The following LRP1B variants were observed in gnomAD, a reference collection of about 807,000 sequenced individuals.
The protein encoded by LRP1B is low-density lipoprotein receptor-related protein 1B.
In LRP1B, 217 loss-of-function variants were observed where a neutral mutation model predicts 556.6. The observed-to-expected ratio is 0.39, with a 90% CI of 0.35 to 0.44. The LOEUF (loss-of-function observed/expected upper bound fraction) is 0.44. Ranked by LOEUF, LRP1B falls within the 20% of genes least tolerant of loss-of-function variation. The pLI, the probability that LRP1B is intolerant of heterozygous loss-of-function variation, is 1.00. For synonymous variants in LRP1B, 2,047 were observed against 1,865.8 expected, an observed-to-expected ratio of 1.10 and a Z score of -2.50; for missense variants, 5,053 against 5,620.8, an observed-to-expected ratio of 0.90 and a Z score of 3.23.
chr2:140,261,262 T>C (rs923374941), intron 86 of LRP1B, among the ~76,000 whole-genome samples: 11 of 151,826 alleles, frequency 7.2e-5, no homozygotes, highest in African/African-American at 2.4e-4. Flanking sequence ...AAAGTCCAAA[T>C]ATAACTCACA....
At chr2:140,773,785 A>G (rs1271899133) in intron 33 of LRP1B, among the ~76,000 whole-genome samples, 1 of 151,960 alleles carries the variant, frequency 6.6e-6, no homozygotes, top group Non-Finnish European at 1.5e-5. Context: ...AAATAATGAA[A>G]TGAATTCTTA....
At chr2:142,048,439 G>T (rs1186353716) in intron 1 of LRP1B, among the ~76,000 whole-genome samples, 3 of 152,018 alleles carry the variant, frequency 2.0e-5, no homozygotes, top group African/African-American at 4.8e-5. Context: ...TTCAGCAACT[G>T]CCATCAAAAG....
At position 140,886,273 on chromosome 2, in the gene LRP1B, T is replaced by C. The variant is rs1433847438; in HGVS notation, c.3829A>G (p.Lys1277Glu). 1.9e-6 allele frequency: 3 copies of C among 1,609,688 alleles called. No individual in the cohort carries two copies. The South Asian group carries it at 3.3e-5, about 18-fold the overall frequency. The change falls in exon 24 of 91, where the codon AAA (lysine) becomes GAA (glutamate). Residue 1277 changes from lysine (K) to glutamate (E), a missense_variant. Coordinates refer to ENST00000389484, the MANE Select transcript of LRP1B (RefSeq NM_018557.3). The part of the protein sequence containing the change: ...RHEIRRIDLH[K>E]RDYSLLVPGL... ...GGAACAAGTAGACTATAGTCTCTTTTGTGAAGATCAATCCTTCTGATCTCA... is the reference window on the plus strand; with the variant it reads ...GGAACAAGTAGACTATAGTCTCTTTCGTGAAGATCAATCCTTCTGATCTCA...
intron 3 of LRP1B, among the ~76,000 whole-genome samples, chr2:141,374,468 T>C (rs969262690): frequency 3.3e-5 from 5 of 152,204 alleles, no homozygotes; most frequent in African/African-American, 1.2e-4. Context: ...TAAATAGCTT[T>C]TCTAAACTTT....
intron 3 of LRP1B, among the ~76,000 whole-genome samples, chr2:141,353,707 A>G (rs956825875): frequency 6.6e-6 from 1 of 151,952 alleles, no homozygotes; most frequent in Non-Finnish European, 1.5e-5. Context: ...AGTCCTAGAT[A>G]TAACAATTAT....
chr2:140,754,554 T>TAC (rs1485900928), intron 35 of LRP1B, among the ~76,000 whole-genome samples: 2 of 152,098 alleles, frequency 1.3e-5, no homozygotes, highest in Non-Finnish European at 2.9e-5. Context: ...GTGGAAATTC[T>TAC]ACAACACATT....
chr2:141,939,176 G>A (rs1403031962), intron 1 of LRP1B, among the ~76,000 whole-genome samples: 3 of 151,908 alleles, frequency 2.0e-5, no homozygotes, highest in Non-Finnish European at 4.4e-5. Flanking sequence ...AGATGGTTAT[G>A]TTAATTTGCT....
chr2:140,680,947 T>C (rs112959705), intron 41 of LRP1B, among the ~76,000 whole-genome samples: 1,827 of 152,324 alleles, frequency 0.012, 34 homozygotes, highest in African/African-American at 0.042. Flanking sequence ...ATTGATTTTG[T>C]GGGACTTAAA....
At chr2:140,285,318 CACACACATAT>C (rs993205525) in intron 84 of LRP1B, among the ~76,000 whole-genome samples, 4 of 70,584 alleles carry the variant, frequency 5.7e-5, no homozygotes, top group Admixed American at 5.7e-4. Flanking sequence ...TATATACATA[CACACACATAT>C]ACACATACAT....
In LRP1B at chr2:141,020,115, C is replaced by A; in HGVS notation, c.1790-13G>T. 6.8e-7 allele frequency: 1 copy of A among 1,460,894 alleles called. No individual in the cohort carries two copies. The highest frequency in any genetic ancestry group is 9.1e-7 in the Non-Finnish European group (1 of 1,098,088). The allele number at this position is 1,460,894 out of a possible 1,614,324, so 90.5% of individuals were successfully genotyped here. ...ACATTATCCAGATCTATAAAAAAAG[C>A]AAAAACAAGAAAGAAATTGCTTTTA... is the stretch of plus-strand genomic sequence containing the variant. On this transcript the variant is annotated splice_polypyrimidine_tract_variant and intron_variant, in intron 11 of 90. Transcript: ENST00000389484.
chr2:140,489,877 C>T (rs894116705), intron 57 of LRP1B, among the ~76,000 whole-genome samples: 4 of 151,990 alleles, frequency 2.6e-5, no homozygotes, highest in Non-Finnish European at 5.9e-5. Context: ...ACTCCAATTC[C>T]AAATTTAGTA....
At chr2:140,603,512 G>C (rs1682751652) in intron 41 of LRP1B, among the ~76,000 whole-genome samples, 1 of 152,046 alleles carries the variant, frequency 6.6e-6, no homozygotes, top group Non-Finnish European at 1.5e-5. Context: ...GAAAATTTAA[G>C]CAAATGAGAA....
At chr2:140,883,666 A>T in intron 25 of LRP1B, 151 bp downstream of exon 25, 1 of 511,432 alleles carries the variant, frequency 2.0e-6, no homozygotes, top group Non-Finnish European at 3.5e-6. Flanking sequence ...TCACATACCT[A>T]CCCCCACCTC....
chr2:140,649,300 T>G (rs1684592787), intron 41 of LRP1B, among the ~76,000 whole-genome samples: 1 of 152,186 alleles, frequency 6.6e-6, no homozygotes, highest in African/African-American at 2.4e-5. Flanking sequence ...TTTCTGTCCA[T>G]TTCATTCTCT....
chr2:141,226,930 A>C (rs1043948334), intron 6 of LRP1B, among the ~76,000 whole-genome samples: 3 of 152,118 alleles, frequency 2.0e-5, no homozygotes, highest in African/African-American at 4.8e-5. Flanking sequence ...TGCATGCTTA[A>C]ACCTAACCTC....
At chr2:141,136,767 A>T (rs1429212069) in intron 7 of LRP1B, among the ~76,000 whole-genome samples, 1 of 151,846 alleles carries the variant, frequency 6.6e-6, no homozygotes. Context: ...TAGGGAGGAG[A>T]AAGATATATG....
chr2:140,792,434 C>G (rs937109298), intron 32 of LRP1B, among the ~76,000 whole-genome samples: 1 of 152,118 alleles, frequency 6.6e-6, no homozygotes, highest in Non-Finnish European at 1.5e-5. Flanking sequence ...ATACAAGACA[C>G]TTTTGCTCAT....
intron 51 of LRP1B, among the ~76,000 whole-genome samples, chr2:140,510,652 T>C (rs1242736633): frequency 1.3e-5 from 2 of 152,224 alleles, no homozygotes; most frequent in Admixed American, 6.5e-5. Flanking sequence ...TAACCACTCA[T>C]GTCATTACTA....
chr2:140,860,975 CATCTATCT>C (rs35339728), intron 27 of LRP1B, among the ~76,000 whole-genome samples: 13,355 of 145,898 alleles, frequency 0.092, 652 homozygotes, highest in African/African-American at 0.11. Flanking sequence ...GAGAATTGTG[CATCTATCT>C]ATCTATCTAT....
Sources: allele counts gnomAD v4.1 joint callset (sites outside exome capture counted in the v4.1 genomes callset), GRCh38; gene constraint gnomAD v4.1.1; transcripts MANE v1.5; gene names NCBI Gene and HGNC (gene_info 2026-07-23, HGNC 2026-07-21).